The following MYO5A variants were observed in gnomAD, a reference collection of about 807,000 sequenced individuals.
MYO5A encodes the protein unconventional myosin-Va.
A neutral mutation model predicts 249.7 loss-of-function variants in MYO5A; 98 were observed. That is an observed-to-expected ratio of 0.39 (90% CI 0.33 to 0.46). The LOEUF (loss-of-function observed/expected upper bound fraction) is 0.46, where lower values mean the gene tolerates loss of function less well. Ranked by LOEUF, MYO5A falls within the 20% of genes least tolerant of loss-of-function variation. MYO5A has a pLI of 0.98. For synonymous variants in MYO5A, 778 were observed against 810.6 expected (o/e 0.96, Z 0.68); for missense variants, 1,696 against 2,308.8 (o/e 0.73, Z 5.44).
At chr15:52,410,545 C>G (rs1595622875) in intron 5 of MYO5A, 69 bp from the exon 6 acceptor site, 30 of 1,443,302 alleles carry the variant, frequency 2.1e-5, no homozygotes, top group Non-Finnish European at 2.4e-5. Context: ...AGAATCTGCT[C>G]AGAGAGAGAA....
At chr15:52,528,485 C>T (rs1022779357) in intron 1 of MYO5A, among the ~76,000 whole-genome samples, 11 of 152,358 alleles carry the variant, frequency 7.2e-5, no homozygotes, top group African/African-American at 1.7e-4. Flanking sequence ...CTGCTAAATC[C>T]ACATGGGCCC....
chr15:52,509,161 G>A (rs760469843), intron 1 of MYO5A, among the ~76,000 whole-genome samples: 3 of 151,966 alleles, frequency 2.0e-5, no homozygotes, highest in Non-Finnish European at 2.9e-5. Context: ...TTGTAGAGAC[G>A]GAGTCTCACC....
Position 52,371,216 on chromosome 15 carries a change from T to A in MYO5A, c.2818-799A>T, listed in dbSNP as rs1251422168. On this transcript the variant is annotated intron_variant, in intron 21 of 41. Transcript: ENST00000399233. ...AAATTTCTCCCTCCCACTCAGAAAA[T>A]CTTCCATCCCATTTCATTCTGATCC... 2.6e-5 allele frequency among the ~76,000 whole-genome samples: 4 copies of A among 152,120 alleles called. No individual in the cohort carries two copies. In the South Asian group the frequency reaches 6.2e-4, roughly 24 times the overall value.
At chr15:52,394,438 C>G (rs184283842) in intron 11 of MYO5A, among the ~76,000 whole-genome samples, 4 of 152,262 alleles carry the variant, frequency 2.6e-5, no homozygotes, top group African/African-American at 9.6e-5. Flanking sequence ...AGCATTCCAA[C>G]CACTGCTGGG....
intron 1 of MYO5A, among the ~76,000 whole-genome samples, chr15:52,481,605 C>T (rs1169238657): frequency 6.6e-6 from 1 of 152,112 alleles, no homozygotes; most frequent in African/African-American, 2.4e-5. Context: ...TACATGGTAA[C>T]TTCCTAAAGG....
In MYO5A at chr15:52,435,968, A is replaced by G. The variant is rs141993690; in HGVS notation, c.28-2683T>C. ...GTTTTCCTCTTGTTGCCCAGGTTGG[A>G]GTGCAATGGCATGATCTCGGCTCAT... On this transcript the variant is annotated intron_variant, in intron 1 of 41. Transcript: ENST00000399233. Among the ~76,000 whole-genome samples the G allele has an allele frequency of 2.1e-3, 319 of 152,292 alleles. 2 individuals carry two copies. The highest frequency in any genetic ancestry group is 7.5e-3 in the African/African-American group (311 of 41,556).
intron 1 of MYO5A, among the ~76,000 whole-genome samples, chr15:52,469,309 T>C (rs1309480461): frequency 6.6e-6 from 1 of 152,250 alleles, no homozygotes; most frequent in Non-Finnish European, 1.5e-5. Flanking sequence ...AAACAGTTGA[T>C]TAACACATAT....
At chr15:52,501,332 T>G (rs940968) in intron 1 of MYO5A, among the ~76,000 whole-genome samples, 32,979 of 152,022 alleles carry the variant, frequency 0.22, 4,095 homozygotes, top group African/African-American at 0.34. Flanking sequence ...AGGTGTGGTG[T>G]CTCATGCCTG....
chr15:52,476,090 T>C (rs2076585272), intron 1 of MYO5A, among the ~76,000 whole-genome samples: 1 of 152,214 alleles, frequency 6.6e-6, no homozygotes. Flanking sequence ...TGGGTGCATA[T>C]ATATTTAGGA....
At chr15:52,343,543 G>A (rs2039475872) in intron 30 of MYO5A, among the ~76,000 whole-genome samples, 1 of 152,146 alleles carries the variant, frequency 6.6e-6, no homozygotes, top group Non-Finnish European at 1.5e-5. Context: ...TTGTATTAGA[G>A]GTTATGACAC....
chr15:52,454,028 T>C (rs2076070546), intron 1 of MYO5A, among the ~76,000 whole-genome samples: 1 of 152,034 alleles, frequency 6.6e-6, no homozygotes, highest in Non-Finnish European at 1.5e-5. Context: ...TAACACTGAA[T>C]GCAAATGGAT....
intron 30 of MYO5A, among the ~76,000 whole-genome samples, chr15:52,343,873 T>C (rs1341805527): frequency 1.3e-5 from 2 of 152,242 alleles, no homozygotes; most frequent in East Asian, 3.8e-4. Flanking sequence ...AGTAATCATT[T>C]ATTTTCCACT....
Position 52,384,313 on chromosome 15 carries a change from G to C in MYO5A, c.1762C>G (p.Leu588Val), listed in dbSNP as rs774811602. The change falls in exon 15 of 42, where the codon CTA becomes GTA. Residue 588 changes from leucine (L) to valine (V), a missense_variant. Physicochemically the swap from Leu to Val is conservative, Grantham distance 32. This residue lies in a region of MYO5A where 277 missense variants were observed against 422.4 expected (regional missense o/e 0.66). Transcript: ENST00000399233. ...KVLKSSKFKM[L>V]PELFQDDEKA... ...TCATCATCTTGAAATAGTTCTGGTAGCATCTTAAACTAAGTCAGAAACAAT... is the reference window on the plus strand; with the variant it reads ...TCATCATCTTGAAATAGTTCTGGTACCATCTTAAACTAAGTCAGAAACAAT... 11 of 1,614,120 alleles carry C rather than the reference G, an allele frequency of 6.8e-6. No homozygotes were observed. The Middle Eastern group carries it at 9.9e-4, about 145-fold the overall frequency.
At chr15:52,461,285 T>A (rs1181523332) in intron 1 of MYO5A, among the ~76,000 whole-genome samples, 1 of 152,194 alleles carries the variant, frequency 6.6e-6, no homozygotes, top group South Asian at 2.1e-4. Flanking sequence ...GAAAATGATA[T>A]GACATTTAAA....
intron 9 of MYO5A, among the ~76,000 whole-genome samples, chr15:52,402,463 A>C (rs1416772959): frequency 6.6e-6 from 1 of 152,132 alleles, no homozygotes; most frequent in African/African-American, 2.4e-5. Flanking sequence ...TTGGCTATGA[A>C]ACCCAAAGCT....
chr15:52,471,924 C>A (rs2076481028), intron 1 of MYO5A, among the ~76,000 whole-genome samples: 1 of 151,908 alleles, frequency 6.6e-6, no homozygotes, highest in South Asian at 2.1e-4. Flanking sequence ...GTCTCAAACT[C>A]CCAGGCTCAA....
At chr15:52,331,324 T>TTC (rs2038875403) in intron 34 of MYO5A, among the ~76,000 whole-genome samples, 1 of 152,118 alleles carries the variant, frequency 6.6e-6, no homozygotes, top group Admixed American at 6.6e-5. Flanking sequence ...AGCTAGAGAA[T>TTC]TATGCTAAAG....
chr15:52,520,796 G>C (rs2453987), intron 1 of MYO5A, among the ~76,000 whole-genome samples: 142,164 of 152,296 alleles, frequency 0.93, 67,145 homozygotes, highest in East Asian at 1. Context: ...GAAGTGATGA[G>C]TTTCAGAAAT....
chr15:52,359,588 C>T (rs964993057), intron 25 of MYO5A, among the ~76,000 whole-genome samples: 2 of 152,112 alleles, frequency 1.3e-5, no homozygotes, highest in Admixed American at 6.5e-5. Flanking sequence ...CCTCTGTCTA[C>T]AGCGGTGGTC....
Sources: gnomAD v4.1 joint callset for allele counts (sites outside exome capture counted in the v4.1 genomes callset) on GRCh38, gnomAD v4.1.1 for gene constraint, gnomAD v4.1.1 regional missense constraint, MANE v1.5 for transcripts, NCBI Gene and HGNC (gene_info 2026-07-23, HGNC 2026-07-21) for gene names.